The following SHANK2 variants were observed in gnomAD, a reference collection of about 807,000 sequenced individuals.
SHANK2 encodes the protein SH3 and multiple ankyrin repeat domains 2.
A neutral mutation model predicts 133.7 loss-of-function variants in SHANK2; 43 were observed. The ratio of observed to expected loss-of-function variants is 0.32; its 90% CI spans 0.25 to 0.41. SHANK2 has a LOEUF of 0.41. SHANK2 is among the 10% of genes least tolerant of loss of function. The pLI is 1.00. For missense variants in SHANK2, 1,994 were observed against 2,235.8 expected (o/e 0.89, Z 2.18); for synonymous variants, 1,017 against 952.8 (o/e 1.07, Z -1.24).
At chr11:71,130,334 C>T (rs1192352136) in intron 3 of SHANK2, among the ~76,000 whole-genome samples, 4 of 152,118 alleles carry the variant, frequency 2.6e-5, no homozygotes, top group African/African-American at 4.8e-5. Flanking sequence ...AAACCAGCGC[C>T]GAAAAGTATC....
intron 25 of SHANK2, among the ~76,000 whole-genome samples, chr11:70,483,535 CCAAAAAAA>C (rs1565524686): frequency 3.0e-5 from 1 of 33,298 alleles, no homozygotes; most frequent in African/African-American, 1.2e-4. Context: ...CTCATCTCTA[CCAAAAAAA>C]AAAAAAAAAA....
At chr11:70,931,256 G>A (rs1950500931) in intron 10 of SHANK2, among the ~76,000 whole-genome samples, 1 of 152,272 alleles carries the variant, frequency 6.6e-6, no homozygotes, top group South Asian at 2.1e-4. Context: ...TTCTTTTTGA[G>A]GTGATGAAAA....
At chr11:70,832,994 C>A (rs1948747546) in intron 11 of SHANK2, among the ~76,000 whole-genome samples, 1 of 151,326 alleles carries the variant, frequency 6.6e-6, no homozygotes, top group Non-Finnish European at 1.5e-5. Context: ...GCAGCCTGGC[C>A]AGCGTCCTCA....
At chr11:70,862,503 A>G (rs1439912944) in intron 11 of SHANK2, among the ~76,000 whole-genome samples, 1 of 151,524 alleles carries the variant, frequency 6.6e-6, no homozygotes, top group Non-Finnish European at 1.5e-5. Context: ...GGACAGGACT[A>G]GACTGGCTGA....
chr11:70,876,243 G>GACACACACACACACACAC (rs3064243), intron 11 of SHANK2, among the ~76,000 whole-genome samples: 2 of 134,830 alleles, frequency 1.5e-5, no homozygotes, highest in Non-Finnish European at 1.6e-5. Flanking sequence ...CACACATATA[G>GACACACACACACACACAC]ACACACACAC....
intron 17 of SHANK2, among the ~76,000 whole-genome samples, chr11:70,575,365 A>C (rs2060102890): frequency 6.6e-6 from 1 of 152,056 alleles, no homozygotes; most frequent in African/African-American, 2.4e-5. Context: ...TACACACACA[A>C]AAAATCAGCT....
chr11:70,661,567 A>G, intron 16 of SHANK2, 29 bp downstream of exon 16: 1 of 1,564,998 alleles, frequency 6.4e-7, no homozygotes, highest in South Asian at 1.1e-5. Flanking sequence ...ACATGGGAAC[A>G]TATTCAGGCT....
intron 7 of SHANK2, among the ~76,000 whole-genome samples, chr11:71,093,051 AGG>A (rs33983330): frequency 0.021 from 1,467 of 70,574 alleles, 78 homozygotes; most frequent in African/African-American, 0.063. Context: ...TCAAAAATAA[AGG>A]GGGGGGGGGG....
rs1554990509 is a variant in SHANK2, at chr11:70,599,888, A to AG, written c.2061+59939_2061+59940insC. Among the ~76,000 whole-genome samples, 41 of 51,512 alleles carry AG rather than the reference A, an allele frequency of 8.0e-4. No individual in the cohort carries two copies. The East Asian group carries it at 0.033, about 41-fold the overall frequency. The allele number at this position is 51,512 out of a possible 152,430, so 33.8% of individuals were successfully genotyped here. A position where few individuals can be genotyped will look rare whatever the true frequency, so the allele number is the denominator to read the frequency against. On this transcript the variant is annotated intron_variant, in intron 17 of 25. Coordinates refer to ENST00000601538, the MANE Select transcript of SHANK2 (RefSeq NM_012309.5). ...AAAAGAAAGAAAGAAAGAAAGAAAGAAAAAGAAAGAAAGAAAGAGAAAGAA... is the reference window on the plus strand; with the variant it reads ...AAAAGAAAGAAAGAAAGAAAGAAAGAGAAAAGAAAGAAAGAAAGAGAAAGAA...
intron 12 of SHANK2, among the ~76,000 whole-genome samples, chr11:70,811,583 C>T (rs1948279455): frequency 6.6e-6 from 1 of 150,480 alleles, no homozygotes; most frequent in Admixed American, 7.1e-5. Context: ...ATCCATCTAC[C>T]CATCCATCCA....
chr11:70,846,378 C>G (rs192471909), intron 11 of SHANK2, among the ~76,000 whole-genome samples: 1 of 152,238 alleles, frequency 6.6e-6, no homozygotes, highest in Non-Finnish European at 1.5e-5. Flanking sequence ...ATCCTCCTGC[C>G]TCGGCCTCCC....
At chr11:71,247,985 C>T (rs777317737) in intron 1 of SHANK2, among the ~76,000 whole-genome samples, 1 of 152,226 alleles carries the variant, frequency 6.6e-6, no homozygotes, top group Non-Finnish European at 1.5e-5. Flanking sequence ...CTTTTAAGAA[C>T]TTAATCTCCC....
chr11:71,062,951 C>T (rs1303854471), intron 9 of SHANK2, among the ~76,000 whole-genome samples: 51 of 135,048 alleles, frequency 3.8e-4, no homozygotes, highest in Non-Finnish European at 6.5e-4. Context: ...GAGCTGTGAT[C>T]GTGCCACTGC....
intron 8 of SHANK2, among the ~76,000 whole-genome samples, 196 bp downstream of exon 8, chr11:71,092,226 G>A (rs556757162): frequency 1.3e-5 from 2 of 152,340 alleles, no homozygotes; most frequent in African/African-American, 4.8e-5. Flanking sequence ...CTATGCAAAT[G>A]TGTCTGTTTT....
intron 2 of SHANK2, among the ~76,000 whole-genome samples, chr11:71,170,550 A>T (rs1384985059): frequency 6.6e-6 from 1 of 152,218 alleles, no homozygotes; most frequent in Non-Finnish European, 1.5e-5. Flanking sequence ...AAGCAGAAGA[A>T]ACTATGATCT....
chr11:70,823,965 A>G (rs960350772), intron 11 of SHANK2, among the ~76,000 whole-genome samples: 5 of 144,404 alleles, frequency 3.5e-5, no homozygotes, highest in Admixed American at 1.4e-4. Flanking sequence ...GGTGGTATTG[A>G]CAGCTCCCAA....
chr11:70,841,811 C>T (rs930585), intron 11 of SHANK2, among the ~76,000 whole-genome samples: 92,079 of 151,980 alleles, frequency 0.61, 28,502 homozygotes, highest in South Asian at 0.75. Context: ...TTCTGATCTA[C>T]AGACCTTCTC....
intron 17 of SHANK2, among the ~76,000 whole-genome samples, chr11:70,517,068 G>A (rs1211657921): frequency 6.6e-6 from 1 of 152,092 alleles, no homozygotes; most frequent in Non-Finnish European, 1.5e-5. Context: ...GTGAAAAAAA[G>A]GGCAAAATAT....
At chr11:70,873,052 T>C (rs1012590607) in intron 11 of SHANK2, 7 of 471,280 alleles carry the variant, frequency 1.5e-5, no homozygotes, top group African/African-American at 1.4e-4. Context: ...TCCATCCTGG[T>C]GCCTCTGCCT....
Sources: allele counts gnomAD v4.1 joint callset (sites outside exome capture counted in the v4.1 genomes callset), GRCh38; gene constraint gnomAD v4.1.1; transcripts MANE v1.5; gene names NCBI Gene and HGNC (gene_info 2026-07-23, HGNC 2026-07-21).